The following SLC1A7 variants were observed in gnomAD, a reference collection of about 807,000 sequenced individuals.
SLC1A7 encodes solute carrier family 1 member 7, also known as excitatory amino acid transporter 5.
Under a neutral mutation model 47.7 loss-of-function variants are expected in SLC1A7, and 40 were observed. The ratio of observed to expected loss-of-function variants is 0.84; its 90% CI spans 0.65 to 1.09. The LOEUF (loss-of-function observed/expected upper bound fraction) is 1.09, where lower values mean the gene tolerates loss of function less well. Ranked by LOEUF, SLC1A7 falls within the 50% of genes least tolerant of loss-of-function variation. The pLI, the probability that SLC1A7 is intolerant of heterozygous loss-of-function variation, is 0.00. For missense variants in SLC1A7, 746 were observed against 769.5 expected, an observed-to-expected ratio of 0.97 and a Z score of 0.36; for synonymous variants, 323 against 325.6, an observed-to-expected ratio of 0.99 and a Z score of 0.09.
chr1:53,109,614 C>T (rs1644681435), intron 3 of SLC1A7, among the ~76,000 whole-genome samples: 1 of 152,154 alleles, frequency 6.6e-6, no homozygotes, highest in South Asian at 2.1e-4. Flanking sequence ...TCCCACTTGC[C>T]CTGGTTCTCA....
intron 10 of SLC1A7, 32 bp downstream of exon 10, chr1:53,088,845 T>C: frequency 6.3e-7 from 1 of 1,579,274 alleles, no homozygotes; most frequent in Non-Finnish European, 8.7e-7. Flanking sequence ...GGCTCCACCC[T>C]CCTGGCAGCC....
At chr1:53,095,845 A>ACACACCACCTCAGTACACT (rs1557669190) in intron 5 of SLC1A7, among the ~76,000 whole-genome samples, 1 of 143,108 alleles carries the variant, frequency 7.0e-6, no homozygotes, top group Non-Finnish European at 1.5e-5. Context: ...GTACACTCAC[A>ACACACCACCTCAGTACACT]CACACCACCT....
chr1:53,130,917 C>T (rs1644936091), intron 2 of SLC1A7, among the ~76,000 whole-genome samples: 1 of 152,002 alleles, frequency 6.6e-6, no homozygotes. Flanking sequence ...GGATAATAGG[C>T]CAGTTTGAGG....
At chr1:53,126,707 A>G (rs1011970622) in intron 2 of SLC1A7, among the ~76,000 whole-genome samples, 1 of 152,240 alleles carries the variant, frequency 6.6e-6, no homozygotes, top group Non-Finnish European at 1.5e-5. Context: ...TGGGCTTCTG[A>G]TCCCATCAGC....
In SLC1A7 at chr1:53,092,694, T is replaced by G. The variant is rs12129653; in HGVS notation, c.891A>C (p.Ser297=). The G allele has an allele frequency of 6.2e-7, 1 of 1,613,998 alleles. No individual in the cohort carries two copies. Among genetic ancestry groups the G allele is most frequent in the East Asian group, 2.2e-5 (1 of 44,866 alleles). The change falls in exon 7 of 11, where the codon TCA becomes TCC. Residue 297 remains serine, a synonymous_variant. Coordinates refer to ENST00000371494, the MANE Select transcript of SLC1A7 (RefSeq NM_006671.6). ...RAVGKKLGFY[S]VTVVCGLVLH... ...GCACCAGCCCGCACACCACGGTGAC[T>G]GAGTAGAAGCCCAGCTTCTTGCCGA...
chr1:53,129,861 C>T (rs1209482118), intron 2 of SLC1A7, among the ~76,000 whole-genome samples: 1 of 96,176 alleles, frequency 1.0e-5, no homozygotes, highest in Admixed American at 1.1e-4. Context: ...ACAAGGGGGT[C>T]AATGACCTGA....
rs1311251858 is a variant in SLC1A7, at chr1:53,087,861, C to T, written c.*148G>A. ...TTTCCCTTCTCTGAGATACATTTTC[C>T]GTCAAGCGGGGTTAATTCCAGCCTC... is the stretch of plus-strand genomic sequence containing the variant. On this transcript the variant is annotated 3_prime_UTR_variant, in exon 11 of 11. Coordinates refer to ENST00000371494, the MANE Select transcript of SLC1A7 (RefSeq NM_006671.6). 3 of 436,504 alleles carry T rather than the reference C, an allele frequency of 6.9e-6. No individual in the cohort carries two copies. Among genetic ancestry groups the T allele is most frequent in the East Asian group, 3.5e-5 (1 of 28,492 alleles). 27.0% of individuals were successfully genotyped at this position (436,504 alleles called of 1,614,324 possible).
intron 1 of SLC1A7, among the ~76,000 whole-genome samples, chr1:53,137,074 G>T (rs930625735): frequency 5.9e-5 from 9 of 152,086 alleles, no homozygotes; most frequent in Non-Finnish European, 1.0e-4. Context: ...ATCACTTGAG[G>T]TTAAGAGTTC....
intron 5 of SLC1A7, among the ~76,000 whole-genome samples, chr1:53,100,474 G>A (rs1644561386): frequency 6.8e-6 from 1 of 147,518 alleles, no homozygotes; most frequent in Non-Finnish European, 1.5e-5. Flanking sequence ...CACTGCCTTG[G>A]TGCACTCACA....
chr1:53,125,672 C>T (rs751332643), intron 2 of SLC1A7, among the ~76,000 whole-genome samples: 94 of 152,266 alleles, frequency 6.2e-4, no homozygotes, highest in Middle Eastern at 3.4e-3. Context: ...TTGAGCACTT[C>T]GGGGGGACCT....
chr1:53,134,978 C>T (rs1057329029), intron 1 of SLC1A7, among the ~76,000 whole-genome samples: 40 of 151,882 alleles, frequency 2.6e-4, no homozygotes, highest in Non-Finnish European at 1.2e-4. Context: ...TTCAGACCAT[C>T]GGTAACTGAA....
intron 1 of SLC1A7, among the ~76,000 whole-genome samples, chr1:53,141,185 G>A (rs1645053079): frequency 6.6e-6 from 1 of 152,052 alleles, no homozygotes; most frequent in Non-Finnish European, 1.5e-5. Flanking sequence ...AGTTTAGTGA[G>A]GATCCCTCAC....
rs756513740 is a variant in SLC1A7 at position 53,103,501 on chromosome 1, C to A, written c.542G>T (p.Arg181Leu). Residue 181 changes from arginine (R) to leucine (L), a missense_variant, in exon 5 of 11, where the codon CGG becomes CTG. Transcript: ENST00000371494. ...CTCCTGGACCCCGTAGATGAGGATC[C>A]GCCGAGGAGGGGCCTCCTCTGGTGC... ...KVAPEEAPPRRILIYGVQEEN... is the reference protein window; with the variant it reads ...KVAPEEAPPRLILIYGVQEEN... 1.9e-6 allele frequency: 3 copies of A among 1,612,868 alleles called. No homozygotes were observed. The South Asian group carries it at 3.3e-5, about 18-fold the overall frequency.
At chr1:53,108,609 C>T (rs771976906) in intron 3 of SLC1A7, 15 of 717,808 alleles carry the variant, frequency 2.1e-5, no homozygotes, top group Admixed American at 1.2e-4. Flanking sequence ...CCCTTTGGTC[C>T]GTTCCTCCAA....
At position 53,092,564 on chromosome 1, in the gene SLC1A7, T is replaced by C. The variant is rs745452179; in HGVS notation, c.1021A>G (p.Thr341Ala). 7 of 1,613,020 alleles carry C rather than the reference T, an allele frequency of 4.3e-6. No homozygotes were observed. The highest frequency in any genetic ancestry group is 5.1e-6 in the Non-Finnish European group (6 of 1,179,310). Residue 341 changes from threonine to alanine, a missense_variant, in exon 7 of 11, where the codon ACC (threonine) becomes GCC (alanine). Coordinates refer to ENST00000371494, the MANE Select transcript of SLC1A7 (RefSeq NM_006671.6). ...ILQALLIALA[T>A]SSSSATLPIT... ...CGTCCCCGGGGCTACCTGGAGGAGG[T>C]GGCCAGCGCGATGAGCAGAGCCTGC...
At chr1:53,099,759 G>T (rs1644550180) in intron 5 of SLC1A7, among the ~76,000 whole-genome samples, 1 of 135,802 alleles carries the variant, frequency 7.4e-6, no homozygotes, top group Non-Finnish European at 1.6e-5. Flanking sequence ...CCTTACCTTG[G>T]CACACACCCT....
intron 1 of SLC1A7, among the ~76,000 whole-genome samples, chr1:53,137,312 T>C (rs1438126161): frequency 7.6e-6 from 1 of 132,296 alleles, no homozygotes; most frequent in Non-Finnish European, 1.6e-5. Context: ...GCTCTACTGA[T>C]AAAAAGGCAG....
At chr1:53,097,941 ACT>A (rs754408738) in intron 5 of SLC1A7, among the ~76,000 whole-genome samples, 17 of 39,602 alleles carry the variant, frequency 4.3e-4, no homozygotes, top group Non-Finnish European at 1.6e-3. Flanking sequence ...ACCTCGGTAC[ACT>A]CACACACCAT....
chr1:53,131,887 A>T (rs1644944983), intron 2 of SLC1A7, among the ~76,000 whole-genome samples: 1 of 152,240 alleles, frequency 6.6e-6, no homozygotes, highest in Non-Finnish European at 1.5e-5. Context: ...AACAGGGTAC[A>T]GTAAGGGAGA....
Sources: gnomAD v4.1 joint callset for allele counts (sites outside exome capture counted in the v4.1 genomes callset) on GRCh38, gnomAD v4.1.1 for gene constraint, MANE v1.5 for transcripts, NCBI Gene and HGNC (gene_info 2026-07-23, HGNC 2026-07-21) for gene names.